Variants in ADAP1 observed in about 807,000 individuals in gnomAD.
The protein encoded by ADAP1 is arf-GAP with dual PH domain-containing protein 1.
ADAP1 carries 31 observed loss-of-function variants against 54.9 expected under a neutral mutation model. The observed-to-expected ratio is 0.56, with a 90% CI of 0.42 to 0.76. The LOEUF is 0.76. Among genes scored for constraint, ADAP1 ranks in the 30% least tolerant of loss-of-function variants. The pLI is 0.00. For missense variants in ADAP1, 535 were observed against 512.4 expected, an observed-to-expected ratio of 1.04 and a Z score of -0.42; for synonymous variants, 313 against 202.6, an observed-to-expected ratio of 1.55 and a Z score of -4.63.
At position 898,314 on chromosome 7, in the gene ADAP1, G is replaced by A. The variant is rs746826428; in HGVS notation, c.*607C>T. On this transcript the variant is annotated 3_prime_UTR_variant, in exon 11 of 11. Transcript: ENST00000265846. ...GCGCAGAGGCCACGTGTGGTGGGAC[G>A]GCAGCCTGCTGGCCCCTCCAGGTGA... 2.4e-4 allele frequency: 40 copies of A among 164,114 alleles called. No homozygotes were observed. Among genetic ancestry groups the A allele is most frequent in the African/African-American group, 7.4e-4 (31 of 41,676 alleles). 10.2% of individuals were successfully genotyped at this position (164,114 alleles called of 1,614,324 possible).
intron 1 of ADAP1, among the ~76,000 whole-genome samples, chr7:952,795 G>A (rs1330679261): frequency 3.3e-5 from 5 of 152,160 alleles, no homozygotes; most frequent in African/African-American, 9.7e-5. Context: ...GCAGAGGTGC[G>A]GCCCTCTACC....
At chr7:933,376 C>A (rs1256321340) in intron 2 of ADAP1, among the ~76,000 whole-genome samples, 1 of 152,192 alleles carries the variant, frequency 6.6e-6, no homozygotes, top group Non-Finnish European at 1.5e-5. Context: ...CACTGGGATC[C>A]CAGCTGTGAT....
chr7:920,634 C>G lies in ADAP1; in HGVS notation c.306-584G>C. The G allele has an allele frequency of 1.5e-6, 1 of 677,306 alleles. No individual in the cohort carries two copies. The highest frequency in any genetic ancestry group is 2.4e-6 in the Non-Finnish European group (1 of 410,544). The allele number at this position is 677,306 out of a possible 1,614,324, so 42.0% of individuals were successfully genotyped here. On this transcript the variant is annotated intron_variant, in intron 3 of 10. Transcript: ENST00000265846. The surrounding 1 kb of genome is among the most constrained non-coding windows in gnomAD (Gnocchi z 4.5). ...CGTCCGGGGCATCAGGAGAAACTAC[C>G]GGCAAATACCCAAGAATCCAGGAAG...
chr7:918,012 C>T (rs1846004456), intron 4 of ADAP1, among the ~76,000 whole-genome samples: 1 of 152,196 alleles, frequency 6.6e-6, no homozygotes, highest in Admixed American at 6.5e-5. Context: ...TGGTCTTGAA[C>T]TCCTGAGATC....
At chr7:924,680 G>C (rs1846323035) in intron 3 of ADAP1, among the ~76,000 whole-genome samples, 1 of 150,748 alleles carries the variant, frequency 6.6e-6, no homozygotes, top group Admixed American at 6.6e-5. Context: ...TCAGCCCTGG[G>C]AGTCTCCTCA....
chr7:938,908 C>G lies in ADAP1; in HGVS notation c.83-3403G>C, dbSNP rs933123881. On this transcript the variant is annotated intron_variant, in intron 1 of 10. Coordinates refer to ENST00000265846, the MANE Select transcript of ADAP1 (RefSeq NM_006869.4). This position sits in a 1 kb window ranked among gnomAD's most constrained non-coding sequence, Gnocchi z 4.4. ...GGCTGAGCAACGGCCACCAACAGCTCCCGCCCAGCCCAGGGTCCAGAATGC... is the reference window on the plus strand; with the variant it reads ...GGCTGAGCAACGGCCACCAACAGCTGCCGCCCAGCCCAGGGTCCAGAATGC... Among the ~76,000 whole-genome samples, 1 of 152,218 alleles carries G rather than the reference C, an allele frequency of 6.6e-6. No individual in the cohort carries two copies. Among genetic ancestry groups the G allele is most frequent in the South Asian group, 2.1e-4 (1 of 4,828 alleles).
chr7:933,199 AG>A (rs1288405334), intron 2 of ADAP1, among the ~76,000 whole-genome samples: 2 of 148,392 alleles, frequency 1.3e-5, no homozygotes, highest in African/African-American at 4.9e-5. Context: ...TGAGCCCGGG[AG>A]GTGGAGCTTG....
chr7:907,748 C>T (rs550362666), intron 4 of ADAP1, among the ~76,000 whole-genome samples: 1 of 152,352 alleles, frequency 6.6e-6, no homozygotes, highest in Admixed American at 6.5e-5. Context: ...CTCCGTCTGC[C>T]AGGCCTTGGG....
At chr7:954,354 C>T in intron 1 of ADAP1, 42 bp downstream of exon 1, 3 of 1,034,334 alleles carry the variant, frequency 2.9e-6, no homozygotes, top group Non-Finnish European at 3.5e-6. Flanking sequence ...CCGCGCCCAC[C>T]CCGGACCCAC....
At chr7:935,103 G>T (rs571967148) in intron 2 of ADAP1, 1 of 585,620 alleles carries the variant, frequency 1.7e-6, no homozygotes, top group East Asian at 4.0e-5. Context: ...CCCAGGGCAC[G>T]GGAATCGGCG....
intron 1 of ADAP1, among the ~76,000 whole-genome samples, chr7:940,543 G>C (rs1318705241): frequency 6.6e-6 from 1 of 152,132 alleles, no homozygotes; most frequent in Non-Finnish European, 1.5e-5. Context: ...TTAAAAGATG[G>C]ATACTACCAA....
intron 6 of ADAP1, chr7:901,045 G>C (rs941030329): frequency 2.1e-6 from 1 of 472,258 alleles, no homozygotes; most frequent in African/African-American, 2.0e-5. Context: ...GGGGTGGTGG[G>C]AGAAGGGAGG....
At chr7:943,790 G>GA (rs1847067626) in intron 1 of ADAP1, among the ~76,000 whole-genome samples, 1 of 76,340 alleles carries the variant, frequency 1.3e-5, no homozygotes, top group African/African-American at 6.3e-5. Context: ...AGGAGGAAGG[G>GA]AGGAGGAGGA....
Position 954,600 on chromosome 7 carries a change from C to T in ADAP1, c.-123G>A, listed in dbSNP as rs929004611. On this transcript the variant is annotated 5_prime_UTR_variant, in exon 1 of 11. Coordinates refer to ENST00000265846, the MANE Select transcript of ADAP1 (RefSeq NM_006869.4). ...CTGCGCCATCCCGGGCGGCCTCAGC[C>T]CGCGCGCCGGTTCCGCATTCCCGCC... 2 of 983,738 alleles carry T rather than the reference C, an allele frequency of 2.0e-6. No individual in the cohort carries two copies. Among genetic ancestry groups the T allele is most frequent in the Non-Finnish European group, 2.4e-6 (2 of 829,778 alleles). 60.9% of individuals were successfully genotyped at this position (983,738 alleles called of 1,614,324 possible).
intron 2 of ADAP1, chr7:927,017 G>A: frequency 2.4e-6 from 3 of 1,261,252 alleles, no homozygotes; most frequent in Non-Finnish European, 3.1e-6. Flanking sequence ...CTGCCCCAGA[G>A]AGCGAGGGCT....
At chr7:906,989 C>T (rs1845492152) in intron 4 of ADAP1, among the ~76,000 whole-genome samples, 1 of 152,148 alleles carries the variant, frequency 6.6e-6, no homozygotes, top group African/African-American at 2.4e-5. Flanking sequence ...GCCAGAGCCA[C>T]CATGGGCAGA....
chr7:906,482 AGGAGAAAGGGAAAGGAGAAAG>A (rs1562914371), intron 4 of ADAP1, among the ~76,000 whole-genome samples: 18 of 95,288 alleles, frequency 1.9e-4, no homozygotes, highest in East Asian at 4.7e-4. Context: ...GAAAGGAGAA[AGGAGAAAGGGAAAGGAGAAAG>A]GGAGAAAGGA....
chr7:931,030 G>A (rs76305027), intron 2 of ADAP1, among the ~76,000 whole-genome samples: 3,785 of 149,808 alleles, frequency 0.025, 144 homozygotes, highest in East Asian at 0.22. Flanking sequence ...AGGGAGGGAC[G>A]GAGGGACTGA....
Position 899,164 on chromosome 7 carries a change from G to T in ADAP1, c.965C>A (p.Pro322Gln). 6.2e-7 allele frequency: 1 copy of T among 1,611,846 alleles called. No homozygotes were observed. Residue 322 changes from proline (P) to glutamine (Q), a missense_variant, in exon 10 of 11, where the codon CCA becomes CAA. Pro to Gln is a moderately conservative substitution (Grantham distance 76, BLOSUM62 -1). Transcript: ENST00000265846. ...GGGCGTGACGATGGTGATGCCATGT[G>T]GCCAGTGGTGGCCCTGGGTGGACGG... ...FPPSTQGHHW[P>Q]HGITIVTPDR...
Sources: allele counts gnomAD v4.1 joint callset (sites outside exome capture counted in the v4.1 genomes callset), GRCh38; gene constraint gnomAD v4.1.1; non-coding constraint Gnocchi (gnomAD v3.1); transcripts MANE v1.5; gene names NCBI Gene and HGNC (gene_info 2026-07-23, HGNC 2026-07-21).